Variants in NRXN3 observed in about 807,000 individuals in gnomAD.
NRXN3 encodes neurexin III.
A neutral mutation model predicts 137.6 loss-of-function variants in NRXN3; 32 were observed. The ratio of observed to expected loss-of-function variants is 0.23; its 90% CI spans 0.18 to 0.31. The LOEUF (loss-of-function observed/expected upper bound fraction) is 0.31. Among genes scored for constraint, NRXN3 ranks in the 10% least tolerant of loss-of-function variants. The pLI is 1.00. For synonymous variants in NRXN3, 798 were observed against 784.5 expected, an observed-to-expected ratio of 1.02 and a Z score of -0.29; for missense variants, 1,574 against 2,062.5, an observed-to-expected ratio of 0.76 and a Z score of 4.59.
intron 19 of NRXN3, among the ~76,000 whole-genome samples, chr14:79,797,184 A>G (rs548267202): frequency 1.3e-5 from 2 of 152,268 alleles, no homozygotes; most frequent in African/African-American, 4.8e-5. Context: ...TGTTCCAATA[A>G]CCTAATTTTG....
chr14:79,432,556 G>A (rs1010172341), intron 15 of NRXN3, among the ~76,000 whole-genome samples: 4 of 152,162 alleles, frequency 2.6e-5, no homozygotes, highest in Admixed American at 1.3e-4. Flanking sequence ...CCCCCAGTCT[G>A]AAAGAAGAAT....
chr14:79,204,081 G>A (rs141850548), intron 15 of NRXN3, among the ~76,000 whole-genome samples: 2 of 152,174 alleles, frequency 1.3e-5, no homozygotes, highest in East Asian at 1.9e-4. Context: ...ATCCCCCTGT[G>A]TGTGGCCCAT....
At chr14:79,768,682 G>A (rs1288558541) in intron 19 of NRXN3, among the ~76,000 whole-genome samples, 1 of 152,214 alleles carries the variant, frequency 6.6e-6, no homozygotes, top group Non-Finnish European at 1.5e-5. Context: ...AAAATACAGA[G>A]CAGAAAAACT....
chr14:79,125,505 C>T (rs776262601), intron 15 of NRXN3, among the ~76,000 whole-genome samples: 4 of 152,146 alleles, frequency 2.6e-5, no homozygotes, highest in Non-Finnish European at 4.4e-5. Flanking sequence ...AAGCATTCTC[C>T]TCCCTTCATG....
intron 2 of NRXN3, among the ~76,000 whole-genome samples, chr14:78,248,292 A>ACCCCCCCCC (rs2067993284): frequency 1.5e-4 from 1 of 6,684 alleles, no homozygotes; most frequent in African/African-American, 5.5e-4. Flanking sequence ...GTGACTAGCC[A>ACCCCCCCCC]CCGCCCCCCG....
chr14:79,430,389 A>T (rs571024382), intron 15 of NRXN3, among the ~76,000 whole-genome samples: 2 of 152,268 alleles, frequency 1.3e-5, no homozygotes, highest in South Asian at 2.1e-4. Flanking sequence ...CTCCTTAGAG[A>T]TTCATTTGAC....
At chr14:79,169,557 C>G (rs1327262799) in intron 15 of NRXN3, among the ~76,000 whole-genome samples, 1 of 152,092 alleles carries the variant, frequency 6.6e-6, no homozygotes, top group Non-Finnish European at 1.5e-5. Flanking sequence ...TTCGTCTCAC[C>G]TAGGTCCAGG....
In NRXN3 at chr14:78,966,093, C is replaced by T. The variant is rs548908740; in HGVS notation, c.2464C>T (p.Arg822Cys). Reference protein sequence around the residue: ...NIETGIMTEKRYISVVPSSFI... With the variant: ...NIETGIMTEKCYISVVPSSFI... Reference sequence around the variant, plus strand: ...TGAAACGGGAATCATGACTGAGAAACGCTACATCTCCGTTGTCCCCTCCAG... The same window carrying T: ...TGAAACGGGAATCATGACTGAGAAATGCTACATCTCCGTTGTCCCCTCCAG... Residue 822 changes from arginine (R) to cysteine (C), a missense_variant, in exon 12 of 21, where the codon CGC becomes TGC. Arg to Cys is a radical substitution (Grantham distance 180). Around this residue, in one of 5 missense-constraint regions of NRXN3, gnomAD observed 718 missense variants for 887.6 expected, o/e 0.81. Coordinates refer to ENST00000335750, the MANE Select transcript of NRXN3 (RefSeq NM_001330195.2). 19 of 1,614,020 alleles carry T rather than the reference C, an allele frequency of 1.2e-5. No homozygotes were observed. Among genetic ancestry groups the T allele is most frequent in the Admixed American group, 3.3e-5 (2 of 60,006 alleles).
intron 4 of NRXN3, among the ~76,000 whole-genome samples, chr14:78,303,552 A>T (rs1407780167): frequency 6.6e-6 from 1 of 152,000 alleles, no homozygotes; most frequent in Non-Finnish European, 1.5e-5. Flanking sequence ...TTTTGGGTAG[A>T]TTCTTCTTGT....
chr14:78,250,867 G>C (rs542849481), intron 2 of NRXN3, among the ~76,000 whole-genome samples: 1 of 152,260 alleles, frequency 6.6e-6, no homozygotes, highest in Admixed American at 6.5e-5. Flanking sequence ...CCCTGGATGC[G>C]GATGATAAGC....
chr14:78,400,250 C>A (rs1322449219), intron 4 of NRXN3, among the ~76,000 whole-genome samples: 5 of 152,138 alleles, frequency 3.3e-5, no homozygotes, highest in Admixed American at 6.6e-5. Context: ...AGTAGTTATT[C>A]CCTCCATCCA....
chr14:78,536,610 T>A (rs1220041177), intron 4 of NRXN3, among the ~76,000 whole-genome samples: 1 of 81,754 alleles, frequency 1.2e-5, no homozygotes, highest in African/African-American at 4.1e-5. Flanking sequence ...TTATTTTTCT[T>A]TTTTTTTTTT....
intron 15 of NRXN3, among the ~76,000 whole-genome samples, chr14:79,292,620 C>T (rs1244027830): frequency 6.6e-6 from 1 of 152,168 alleles, no homozygotes; most frequent in Non-Finnish European, 1.5e-5. Flanking sequence ...TATTAGATCA[C>T]CTTGAATCTA....
At position 78,522,160 on chromosome 14, in the gene NRXN3, C is replaced by T. The variant is rs547045569; in HGVS notation, c.758-122960C>T. 1.1e-3 allele frequency among the ~76,000 whole-genome samples: 172 copies of T among 152,240 alleles called. 1 individual carries two copies. Among genetic ancestry groups the T allele is most frequent in the South Asian group, 3.1e-3 (15 of 4,822 alleles). Reference sequence around the variant, plus strand: ...GTTCAAAGCAGAGGATTAATATTTACTACATATCTACTATGAGTAAGTTAC... The same window carrying T: ...GTTCAAAGCAGAGGATTAATATTTATTACATATCTACTATGAGTAAGTTAC... On this transcript the variant is annotated intron_variant, in intron 4 of 20. Coordinates refer to ENST00000335750, the MANE Select transcript of NRXN3 (RefSeq NM_001330195.2).
chr14:79,266,348 A>G (rs1453000184), intron 15 of NRXN3, among the ~76,000 whole-genome samples: 2 of 151,992 alleles, frequency 1.3e-5, no homozygotes, highest in East Asian at 3.9e-4. Context: ...TTCTCCAGCT[A>G]TAAAGGTTAT....
intron 2 of NRXN3, among the ~76,000 whole-genome samples, chr14:78,262,171 G>T (rs2070852325): frequency 6.6e-6 from 1 of 152,184 alleles, no homozygotes; most frequent in Non-Finnish European, 1.5e-5. Flanking sequence ...TGAAGAACAA[G>T]ATTGGTTAGT....
At chr14:78,610,102 C>T (rs988573769) in intron 4 of NRXN3, among the ~76,000 whole-genome samples, 6 of 151,898 alleles carry the variant, frequency 4.0e-5, no homozygotes, top group African/African-American at 1.5e-4. Flanking sequence ...TGGAAAGTTA[C>T]ATTTGGGAAG....
rs143955221 is a variant in NRXN3 at position 78,495,080 on chromosome 14, T to G, written c.758-150040T>G. On this transcript the variant is annotated intron_variant, in intron 4 of 20. Coordinates refer to ENST00000335750, the MANE Select transcript of NRXN3 (RefSeq NM_001330195.2). ...GGTGTACCCTGGGGAAAAAATATTC[T>G]TGACTTTTTTTTTTTTTTTGTCAAA... Among the ~76,000 whole-genome samples the G allele has an allele frequency of 7.0e-3, 1,062 of 151,372 alleles. 12 individuals are homozygous for G. The highest frequency in any genetic ancestry group is 0.024 in the African/African-American group (1,003 of 41,294).
intron 10 of NRXN3, among the ~76,000 whole-genome samples, chr14:78,839,979 T>G (rs1233551823): frequency 3.9e-5 from 6 of 152,234 alleles, no homozygotes; most frequent in South Asian, 2.1e-4. Context: ...TTGTTACTTA[T>G]TCTGGAGCAT....
Sources: allele counts gnomAD v4.1 joint callset (sites outside exome capture counted in the v4.1 genomes callset), GRCh38; gene constraint gnomAD v4.1.1; regional missense constraint gnomAD v4.1.1; transcripts MANE v1.5; gene names NCBI Gene and HGNC (gene_info 2026-07-23, HGNC 2026-07-21).